STAB1: variants seen among roughly 807,000 people sequenced by gnomAD.
The protein encoded by STAB1 is stabilin-1.
Under a neutral mutation model 332.4 loss-of-function variants are expected in STAB1, and 250 were observed. The ratio of observed to expected loss-of-function variants is 0.75; its 90% CI spans 0.68 to 0.84. The LOEUF is 0.84. Ranked by LOEUF, STAB1 falls within the 40% of genes least tolerant of loss-of-function variation. STAB1 has a pLI of 0.00. For synonymous variants in STAB1, 1,475 were observed against 1,390.4 expected (o/e 1.06, Z -1.35); for missense variants, 3,249 against 3,489.7 (o/e 0.93, Z 1.74).
At chr3:52,505,810 G>T (rs1332711131) in intron 15 of STAB1, 29 bp downstream of exon 15, 4 of 1,613,790 alleles carry the variant, frequency 2.5e-6, no homozygotes, top group East Asian at 2.2e-5. Context: ...GGGGCTGCGG[G>T]TATGGGGGCA....
chr3:52,518,709 C>T lies in STAB1; in HGVS notation c.4888-14C>T, dbSNP rs998908914. 6 of 1,612,188 alleles carry T rather than the reference C, an allele frequency of 3.7e-6. No homozygotes were observed. Among genetic ancestry groups the T allele is most frequent in the Non-Finnish European group, 4.2e-6 (5 of 1,179,520 alleles). Reference sequence around the variant, plus strand: ...GCAGTCAGGGACCCCACTCCCCTCGCGACTCTGCTCCAGGATGAGCTGGCC... The same window carrying T: ...GCAGTCAGGGACCCCACTCCCCTCGTGACTCTGCTCCAGGATGAGCTGGCC... On this transcript the variant is annotated splice_polypyrimidine_tract_variant and intron_variant, in intron 47 of 68. Coordinates refer to ENST00000321725, the MANE Select transcript of STAB1 (RefSeq NM_015136.3).
chr3:52,518,899 C>CCT, intron 48 of STAB1, 30 bp downstream of exon 48: 1 of 1,461,526 alleles, frequency 6.8e-7, no homozygotes, highest in Non-Finnish European at 9.1e-7. Flanking sequence ...TGCCCCGCTC[C>CCT]ATCCCGCCCC....
intron 24 of STAB1, 55 bp downstream of exon 24, chr3:52,510,290 G>A: frequency 6.2e-7 from 1 of 1,613,788 alleles, no homozygotes; most frequent in Non-Finnish European, 8.5e-7. Flanking sequence ...GAGGTGGGAT[G>A]CCCTGGCCCT....
chr3:52,507,698 C>G (rs1708978055), intron 19 of STAB1, 23 bp downstream of exon 19: 4 of 1,613,130 alleles, frequency 2.5e-6, no homozygotes, highest in African/African-American at 1.3e-5. Flanking sequence ...TGGCCCAGCT[C>G]TCAGGGCCTC....
chr3:52,521,788 A>G, intron 57 of STAB1, 56 bp from the exon 58 acceptor site: 1 of 1,597,922 alleles, frequency 6.3e-7, no homozygotes, highest in East Asian at 2.2e-5. Flanking sequence ...TGGAACGGGC[A>G]GAGGCCAGGA....
chr3:52,502,555 A>C, intron 5 of STAB1, 77 bp from the exon 6 acceptor site: 5 of 1,318,878 alleles, frequency 3.8e-6, no homozygotes, highest in Non-Finnish European at 5.4e-6. Context: ...CTAAAAATAC[A>C]GAGAGCAGGG....
In STAB1 at chr3:52,508,042, GGTGCCCAC is replaced by G. The variant is rs1355611131; in HGVS notation, c.2148+17_2148+24del. 1.2e-6 allele frequency: 2 copies of G among 1,607,096 alleles called. No homozygotes were observed. Among genetic ancestry groups the G allele is most frequent in the Non-Finnish European group, 1.7e-6 (2 of 1,175,332 alleles). On this transcript the variant is annotated intron_variant, in intron 20 of 68. Transcript: ENST00000321725. ...AACCATCATGGTAAGCGTGGGCATG[GGTGCCCAC>G]TCCCAGGTCACCTGGGCACCTGCTG... is the stretch of plus-strand genomic sequence containing the variant.
At chr3:52,499,418 C>T (rs112837981) in intron 1 of STAB1, among the ~76,000 whole-genome samples, 10 of 152,364 alleles carry the variant, frequency 6.6e-5, no homozygotes, top group Non-Finnish European at 7.3e-5. Flanking sequence ...ACATCTTCCA[C>T]GCCCCACCCA....
In STAB1 at chr3:52,503,900, C is replaced by G; in HGVS notation, c.1020C>G (p.Thr340=). The G allele has an allele frequency of 6.2e-7, 1 of 1,613,108 alleles. No individual in the cohort carries two copies. The highest frequency in any genetic ancestry group is 8.5e-7 in the Non-Finnish European group (1 of 1,179,996). Residue 340 remains threonine (T), a splice_region_variant and synonymous_variant, in exon 9 of 69, where the codon ACC becomes ACG. Transcript: ENST00000321725. Reference sequence around the variant, plus strand: ...GCCAGGTGACCGCTGATGGGAAGACCAGGTGAGCACAGGTGCCTGGGAGCA... The same window carrying G: ...GCCAGGTGACCGCTGATGGGAAGACGAGGTGAGCACAGGTGCCTGGGAGCA... ...ATCQVTADGK[T]SCVCRESEVG... is the part of the protein sequence containing the mutation.
Position 52,523,153 on chromosome 3 carries a change from T to C in STAB1, c.7020+19T>C, listed in dbSNP as rs370780031. 477 of 1,608,426 alleles carry C rather than the reference T, an allele frequency of 3.0e-4. 1 individual carries two copies. In the African/African-American group the frequency reaches 5.5e-3, roughly 18 times the overall value. ...CTATGGGGTGTGTGGGGGCCACCCT[T>C]GGGGGCGGGGGGTGCTGGGATCCCC... On this transcript the variant is annotated intron_variant, in intron 63 of 68. Transcript: ENST00000321725.
intron 25 of STAB1, among the ~76,000 whole-genome samples, chr3:52,511,209 C>T (rs1709276772): frequency 6.6e-6 from 1 of 152,216 alleles, no homozygotes; most frequent in South Asian, 2.1e-4. Flanking sequence ...GCTGGTCACT[C>T]ACCTGCAGTG....
intron 25 of STAB1, among the ~76,000 whole-genome samples, chr3:52,511,354 T>C (rs115217609): frequency 0.024 from 3,623 of 152,264 alleles, 64 homozygotes; most frequent in Middle Eastern, 0.044. Flanking sequence ...CCACAAGCTG[T>C]TGGCCTCAAT....
chr3:52,502,330 C>T (rs936836236), intron 5 of STAB1, 102 bp downstream of exon 5: 2 of 1,299,392 alleles, frequency 1.5e-6, no homozygotes, highest in Admixed American at 2.0e-5. Flanking sequence ...CAGCCTCTGT[C>T]CCAGCCCCTC....
chr3:52,521,520 C>T lies in STAB1; in HGVS notation c.6058+10C>T, dbSNP rs375868275. Reference sequence around the variant, plus strand: ...GGGCCCCATTGTCAAGGTGGGCCATCCCTGCCTGCCCCACGGCCCGATTCC... The same window carrying T: ...GGGCCCCATTGTCAAGGTGGGCCATTCCTGCCTGCCCCACGGCCCGATTCC... On this transcript the variant is annotated intron_variant, in intron 56 of 68. Coordinates refer to ENST00000321725, the MANE Select transcript of STAB1 (RefSeq NM_015136.3). 2 of 1,613,818 alleles carry T rather than the reference C, an allele frequency of 1.2e-6. No individual in the cohort carries two copies. The highest frequency in any genetic ancestry group is 1.3e-5 in the African/African-American group (1 of 74,938).
At chr3:52,509,021 C>T (rs1052539121) in intron 21 of STAB1, among the ~76,000 whole-genome samples, 189 bp from the exon 22 acceptor site, 6 of 152,106 alleles carry the variant, frequency 3.9e-5, no homozygotes, top group Non-Finnish European at 7.4e-5. Flanking sequence ...GCTCATAAAG[C>T]CTCCAGGGCC....
intron 30 of STAB1, 140 bp downstream of exon 30, chr3:52,513,381 G>A (rs1709437331): frequency 4.7e-6 from 4 of 846,204 alleles, no homozygotes; most frequent in Non-Finnish European, 7.3e-6. Context: ...GGGCTCAAAG[G>A]ATGTGCTCAG....
intron 26 of STAB1, among the ~76,000 whole-genome samples, 194 bp from the exon 27 acceptor site, chr3:52,512,147 C>T (rs1559695443): frequency 6.6e-6 from 1 of 152,250 alleles, no homozygotes; most frequent in Non-Finnish European, 1.5e-5. Context: ...ATGGGTAATG[C>T]TTGTGTCAAA....
intron 30 of STAB1, 38 bp from the exon 31 acceptor site, chr3:52,513,679 G>C (rs1473923980): frequency 6.3e-7 from 1 of 1,597,808 alleles, no homozygotes; most frequent in African/African-American, 1.3e-5. Context: ...GGGTCTATCT[G>C]TGCCCACCTG....
Position 52,511,837 on chromosome 3 carries a change from T to TCTCTGTAC in STAB1, c.2883+94_2883+101dup, listed in dbSNP as rs1247304283. The TCTCTGTAC allele has an allele frequency of 1.6e-5, 16 of 985,878 alleles. No homozygotes were observed. In the East Asian group the frequency reaches 2.2e-4, roughly 13 times the overall value. The allele number at this position is 985,878 out of a possible 1,614,324, so 61.1% of individuals were successfully genotyped here. ...CCCTCCCTCCCCATCTCTGGGTGTCTCTCTGTACCCCCTCAGGATTAAGAT... is the reference window on the plus strand; with the variant it reads ...CCCTCCCTCCCCATCTCTGGGTGTCTCTCTGTACCTCTGTACCCCCTCAGGATTAAGAT... On this transcript the variant is annotated intron_variant, in intron 26 of 68. Coordinates refer to ENST00000321725, the MANE Select transcript of STAB1 (RefSeq NM_015136.3).
Sources: gnomAD v4.1 joint callset for allele counts (sites outside exome capture counted in the v4.1 genomes callset) on GRCh38, gnomAD v4.1.1 for gene constraint, MANE v1.5 for transcripts, NCBI Gene and HGNC (gene_info 2026-07-23, HGNC 2026-07-21) for gene names.